Variants in COL24A1 observed in about 807,000 individuals in gnomAD.
COL24A1 encodes collagen alpha-1(XXIV) chain.
COL24A1 carries 224 observed loss-of-function variants against 253.9 expected under a neutral mutation model. The ratio of observed to expected loss-of-function variants is 0.88; its 90% CI spans 0.79 to 0.99. The LOEUF is 0.99. Ranked by LOEUF, COL24A1 falls within the 50% of genes least tolerant of loss-of-function variation. The probability of loss-of-function intolerance (pLI) is 0.00; values close to 1 mark genes in which losing one functional copy is unlikely to be tolerated. For missense variants in COL24A1, 2,131 were observed against 2,068.5 expected (o/e 1.03, Z -0.59); for synonymous variants, 685 against 673.7 (o/e 1.02, Z -0.26).
chr1:86,038,717 T>C (rs1699221181), intron 12 of COL24A1, among the ~76,000 whole-genome samples: 1 of 152,148 alleles, frequency 6.6e-6, no homozygotes, highest in African/African-American at 2.4e-5. Flanking sequence ...CCACTCACTC[T>C]GGGGGAAGCC....
chr1:86,096,211 A>G (rs1354596175), intron 5 of COL24A1, among the ~76,000 whole-genome samples: 1 of 152,176 alleles, frequency 6.6e-6, no homozygotes, highest in East Asian at 1.9e-4. Flanking sequence ...AATTGTTGCC[A>G]TCTTGGAAAG....
At chr1:86,136,764 C>A (rs993169401) in intron 2 of COL24A1, among the ~76,000 whole-genome samples, 4 of 152,070 alleles carry the variant, frequency 2.6e-5, no homozygotes, top group African/African-American at 9.7e-5. Flanking sequence ...TTAATCATGG[C>A]AGTATTACTT....
intron 33 of COL24A1, among the ~76,000 whole-genome samples, 178 bp downstream of exon 33, chr1:85,876,944 G>A (rs1394871579): frequency 6.6e-6 from 1 of 151,988 alleles, no homozygotes; most frequent in Non-Finnish European, 1.5e-5. Context: ...AACTTTATAT[G>A]TATAAAATTA....
At chr1:85,907,716 T>C (rs1205417252) in intron 27 of COL24A1, among the ~76,000 whole-genome samples, 1 of 151,854 alleles carries the variant, frequency 6.6e-6, no homozygotes, top group Admixed American at 6.6e-5. Context: ...CAAATTACTA[T>C]GCTATAAAAA....
chr1:86,033,742 C>T (rs1698773191), intron 13 of COL24A1, 128 bp downstream of exon 13: 3 of 779,592 alleles, frequency 3.8e-6, no homozygotes, highest in Non-Finnish European at 4.0e-6. Context: ...CTGGAATGTG[C>T]ACAGTGGTGT....
At chr1:85,979,272 C>T (rs568458075) in intron 20 of COL24A1, among the ~76,000 whole-genome samples, 25 of 152,022 alleles carry the variant, frequency 1.6e-4, no homozygotes, top group African/African-American at 2.7e-4. Flanking sequence ...AAGGTCACAC[C>T]TCAAGGAAGT....
intron 53 of COL24A1, among the ~76,000 whole-genome samples, chr1:85,771,363 G>T (rs1667939842): frequency 6.6e-6 from 1 of 152,056 alleles, no homozygotes. Flanking sequence ...TTGGTTTTCT[G>T]ATCTTGTGAT....
At chr1:86,149,390 A>C (rs1249372810) in intron 1 of COL24A1, among the ~76,000 whole-genome samples, 4 of 152,244 alleles carry the variant, frequency 2.6e-5, no homozygotes, top group African/African-American at 4.8e-5. Context: ...TATGATTTAG[A>C]GCTTGAGTAA....
At chr1:86,126,475 T>C (rs1326412045) in intron 2 of COL24A1, among the ~76,000 whole-genome samples, 1 of 152,024 alleles carries the variant, frequency 6.6e-6, no homozygotes, top group African/African-American at 2.4e-5. Context: ...TTATTATTAG[T>C]TTATTTATTA....
chr1:85,880,915 A>T (rs953021629), intron 32 of COL24A1, among the ~76,000 whole-genome samples: 3 of 152,146 alleles, frequency 2.0e-5, no homozygotes, highest in Non-Finnish European at 4.4e-5. Context: ...ACATTGTTTG[A>T]TTCAATTTGC....
At chr1:85,851,298 A>C (rs1397903176) in intron 37 of COL24A1, among the ~76,000 whole-genome samples, 1 of 152,154 alleles carries the variant, frequency 6.6e-6, no homozygotes, top group African/African-American at 2.4e-5. Context: ...ATTTACTTAA[A>C]AAAATGCTAC....
chr1:86,151,544 C>G (rs1652776181), intron 1 of COL24A1, among the ~76,000 whole-genome samples: 1 of 152,114 alleles, frequency 6.6e-6, no homozygotes, highest in African/African-American at 2.4e-5. Flanking sequence ...ACACCAGCAA[C>G]AGTCCAAACA....
intron 19 of COL24A1, 53 bp downstream of exon 19, chr1:86,017,098 T>C: frequency 6.7e-7 from 1 of 1,482,762 alleles, no homozygotes; most frequent in Non-Finnish European, 9.3e-7. Flanking sequence ...ATCAAACAAG[T>C]TTAATTTCCA....
intron 24 of COL24A1, among the ~76,000 whole-genome samples, chr1:85,955,969 T>G (rs932369480): frequency 2.6e-5 from 4 of 152,202 alleles, no homozygotes; most frequent in African/African-American, 9.6e-5. Flanking sequence ...CAAAATTTTA[T>G]TTTACCCTTT....
In COL24A1 at chr1:86,117,224, T is replaced by C. The variant is rs117641513; in HGVS notation, c.1492-1846A>G. Among the ~76,000 whole-genome samples, 812 of 152,316 alleles carry C rather than the reference T, an allele frequency of 5.3e-3. 19 individuals are homozygous for C. In the East Asian group the frequency reaches 0.065, roughly 12 times the overall value. On this transcript the variant is annotated intron_variant, in intron 3 of 59. Coordinates refer to ENST00000370571, the MANE Select transcript of COL24A1 (RefSeq NM_152890.7). ...TTTGTGTCCTCCCAAAATTCGTATG[T>C]TGAAATCCTAAACAAAGTGATGGTA...
intron 20 of COL24A1, among the ~76,000 whole-genome samples, chr1:85,975,270 C>T (rs1258458859): frequency 1.3e-5 from 2 of 151,936 alleles, no homozygotes; most frequent in South Asian, 4.1e-4. Flanking sequence ...AGTATATATA[C>T]CAAAGAAAGA....
intron 2 of COL24A1, among the ~76,000 whole-genome samples, chr1:86,143,805 T>C (rs1446259412): frequency 2.0e-5 from 3 of 152,096 alleles, no homozygotes; most frequent in South Asian, 2.1e-4. Context: ...AATTCTTTGA[T>C]ATACTTTTTT....
At chr1:85,989,481 G>T (rs1474936989) in intron 19 of COL24A1, among the ~76,000 whole-genome samples, 1 of 151,826 alleles carries the variant, frequency 6.6e-6, no homozygotes, top group Non-Finnish European at 1.5e-5. Flanking sequence ...CAACCCTAGG[G>T]CAAGTCACTT....
chr1:86,055,810 AG>A (rs1301584405), intron 10 of COL24A1, among the ~76,000 whole-genome samples: 2 of 152,128 alleles, frequency 1.3e-5, no homozygotes, highest in African/African-American at 4.8e-5. Context: ...TAACATCAAA[AG>A]TCACAAAGCT....
Sources: gnomAD v4.1 joint callset for allele counts (sites outside exome capture counted in the v4.1 genomes callset) on GRCh38, gnomAD v4.1.1 for gene constraint, MANE v1.5 for transcripts, NCBI Gene and HGNC (gene_info 2026-07-23, HGNC 2026-07-21) for gene names.